DNAH10: variants seen among roughly 807,000 people sequenced by gnomAD.
The protein encoded by DNAH10 is dynein axonemal heavy chain 10.
Under a neutral mutation model 506.6 loss-of-function variants are expected in DNAH10, and 348 were observed. That is an observed-to-expected ratio of 0.69 (90% CI 0.63 to 0.75). The LOEUF (loss-of-function observed/expected upper bound fraction) is 0.75. Ranked by LOEUF, DNAH10 falls within the 30% of genes least tolerant of loss-of-function variation. The pLI, the probability that DNAH10 is intolerant of heterozygous loss-of-function variation, is 0.00. For synonymous variants in DNAH10, 2,059 were observed against 2,198.6 expected (o/e 0.94, Z 1.78); for missense variants, 5,179 against 5,787.1 (o/e 0.89, Z 3.41).
chr12:123,916,220 A>T lies in DNAH10; in HGVS notation c.10723-237A>T, dbSNP rs1272292813. 1.4e-4 allele frequency among the ~76,000 whole-genome samples: 22 copies of T among 152,146 alleles called. No homozygotes were observed. The highest frequency in any genetic ancestry group is 1.2e-4 in the Non-Finnish European group (8 of 68,024). On this transcript the variant is annotated intron_variant, in intron 62 of 78. Transcript: ENST00000673944. This position sits in a 1 kb window ranked among gnomAD's most constrained non-coding sequence, Gnocchi z 4.6. ...AAGAGGAGGGGTTCTAGCTTACGGG[A>T]GAGGGGCTGAGGAATCCCCTTCCTT...
intron 30 of DNAH10, among the ~76,000 whole-genome samples, chr12:123,842,116 C>A (rs1950796822): frequency 1.3e-5 from 2 of 152,232 alleles, no homozygotes; most frequent in African/African-American, 2.4e-5. Flanking sequence ...AATGCTGATT[C>A]TTGGGTCTTA....
chr12:123,846,155 G>A lies in DNAH10; in HGVS notation c.5814+1G>A. 6.2e-7 allele frequency: 1 copy of A among 1,610,224 alleles called. No individual in the cohort carries two copies. On this transcript the variant is annotated splice_donor_variant, in intron 32 of 78. Coordinates refer to ENST00000673944, the MANE Select transcript of DNAH10 (RefSeq NM_001372106.1). LOFTEE classifies it high-confidence loss of function. The surrounding 1 kb of genome is among the most constrained non-coding windows in gnomAD (Gnocchi z 4.5). The stretch of plus-strand genomic sequence containing the variant: ...TCGGATTTACCTGACGCTCACCCAG[G>A]TGACTGCCAGCCTGGCACTTGTGGT...
intron 67 of DNAH10, 35 bp downstream of exon 67, chr12:123,924,467 C>A: frequency 1.2e-6 from 2 of 1,601,796 alleles, no homozygotes; most frequent in Non-Finnish European, 1.7e-6. Flanking sequence ...CCTCTCCTTC[C>A]CCACATGTCA....
In DNAH10 at chr12:123,787,821, C is replaced by T. The variant is rs768063276; in HGVS notation, c.1439C>T (p.Ala480Val). Reference sequence around the variant, plus strand: ...CTTCGCAGAGAAAATCGAGCGAGTGCCCAAAGCAAAACCTTGGAAGCCAGG... The same window carrying T: ...CTTCGCAGAGAAAATCGAGCGAGTGTCCAAAGCAAAACCTTGGAAGCCAGG... Reference protein sequence around the residue: ...RTLFKENRASAQSKTLEARNT... With the variant: ...RTLFKENRASVQSKTLEARNT... The change falls in exon 10 of 79, where the codon GCC (alanine) becomes GTC (valine). Residue 480 changes from alanine (A) to valine (V), a missense_variant. Ala to Val is a moderately conservative substitution (Grantham distance 64). Transcript: ENST00000673944. This position sits in a 1 kb window ranked among gnomAD's most constrained non-coding sequence, Gnocchi z 4.6. 6.8e-6 allele frequency: 11 copies of T among 1,613,912 alleles called. No individual in the cohort carries two copies. The South Asian group carries it at 9.9e-5, about 15-fold the overall frequency.
chr12:123,850,030 C>T lies in DNAH10; in HGVS notation c.6103-858C>T. Among the ~76,000 whole-genome samples, 1 of 152,106 alleles carries T rather than the reference C, an allele frequency of 6.6e-6. No homozygotes were observed. Among genetic ancestry groups the T allele is most frequent in the East Asian group, 1.9e-4 (1 of 5,172 alleles). ...GCAGCTATCTGCTCTTCCCCCTGGG[C>T]CATCTGGGCCATCTGGGCCTCTTGT... On this transcript the variant is annotated intron_variant, in intron 34 of 78. Transcript: ENST00000673944. The surrounding 1 kb of genome is among the most constrained non-coding windows in gnomAD (Gnocchi z 5.5).
At chr12:123,783,834 A>G (rs1957752476) in intron 7 of DNAH10, 113 bp from the exon 8 acceptor site, 5 of 940,360 alleles carry the variant, frequency 5.3e-6, no homozygotes, top group East Asian at 2.6e-5. Flanking sequence ...ACCCCTGAAG[A>G]CCCTGAAGGA....
intron 57 of DNAH10, among the ~76,000 whole-genome samples, chr12:123,906,646 A>G (rs1288813116): frequency 1.3e-5 from 2 of 152,138 alleles, no homozygotes; most frequent in African/African-American, 2.4e-5. Flanking sequence ...TTATGTTTTA[A>G]TTTTTTATAT....
At chr12:123,847,156 A>G (rs1458884088) in intron 32 of DNAH10, among the ~76,000 whole-genome samples, 3 of 136,006 alleles carry the variant, frequency 2.2e-5, no homozygotes, top group African/African-American at 6.9e-5. Flanking sequence ...CCATCCATCC[A>G]TCCATCCATC....
Position 123,893,218 on chromosome 12 carries a change from G to T in DNAH10, c.8996-15G>T. ...TGGGACTCAGAGAGATCACCAGCAT[G>T]TCTTCCTTTTCCAGGAATTGTACCT... On this transcript the variant is annotated splice_polypyrimidine_tract_variant and intron_variant, in intron 52 of 78. Transcript: ENST00000673944. 1 of 1,613,006 alleles carries T rather than the reference G, an allele frequency of 6.2e-7. No homozygotes were observed. Among genetic ancestry groups the T allele is most frequent in the Non-Finnish European group, 8.5e-7 (1 of 1,179,232 alleles).
chr12:123,765,473 C>T (rs1956989535), intron 1 of DNAH10, among the ~76,000 whole-genome samples: 1 of 152,156 alleles, frequency 6.6e-6, no homozygotes, highest in African/African-American at 2.4e-5. Flanking sequence ...TTCTGGTTGG[C>T]TCTTTTGTCA....
At chr12:123,901,054 C>T (rs1482060633) in intron 56 of DNAH10, among the ~76,000 whole-genome samples, 1 of 152,230 alleles carries the variant, frequency 6.6e-6, no homozygotes, top group African/African-American at 2.4e-5. Flanking sequence ...ATCCTCTCTC[C>T]TGAGGGTGGC....
chr12:123,765,330 A>G (rs1956981689), intron 1 of DNAH10, among the ~76,000 whole-genome samples: 1 of 152,222 alleles, frequency 6.6e-6, no homozygotes, highest in Non-Finnish European at 1.5e-5. Flanking sequence ...AAATACTGCC[A>G]TAACACATGT....
chr12:123,878,523 G>A (rs1207570249), intron 48 of DNAH10, among the ~76,000 whole-genome samples: 1 of 152,210 alleles, frequency 6.6e-6, no homozygotes, highest in African/African-American at 2.4e-5. Flanking sequence ...AGCTCCAGGT[G>A]TTTCAGGTGG....
rs771302138 is a variant in DNAH10, at chr12:123,826,654, T to C, written c.4180-33T>C. 1.9e-5 allele frequency: 31 copies of C among 1,592,170 alleles called. No individual in the cohort carries two copies. In the South Asian group the frequency reaches 3.2e-4, roughly 17 times the overall value. On this transcript the variant is annotated intron_variant, in intron 24 of 78. Transcript: ENST00000673944. ...CCTTGTTGCATTTCCAAAGGGGTCT[T>C]TGTTGATGGAGCTGTTCCTTGCACG...
At chr12:123,861,859 A>G (rs1950454483) in intron 39 of DNAH10, among the ~76,000 whole-genome samples, 1 of 152,232 alleles carries the variant, frequency 6.6e-6, no homozygotes, top group Non-Finnish European at 1.5e-5. Context: ...ACAGCTTCTT[A>G]GCGCTTTTCC....
rs1360310768 is a variant in DNAH10 at position 123,850,199 on chromosome 12, TCTGC to T, written c.6103-685_6103-682del. On this transcript the variant is annotated intron_variant, in intron 34 of 78. Transcript: ENST00000673944. The surrounding 1 kb of genome is among the most constrained non-coding windows in gnomAD (Gnocchi z 5.5). ...TCCTAACAACAAAAATTTTCTGTCC[TCTGC>T]CTGGCTGGTGGACAATCAAAAAAAA... 6.6e-6 allele frequency among the ~76,000 whole-genome samples: 1 copy of T among 151,974 alleles called. No homozygotes were observed. Among genetic ancestry groups the T allele is most frequent in the East Asian group, 1.9e-4 (1 of 5,166 alleles).
At chr12:123,904,237 G>C (rs57078519) in intron 57 of DNAH10, among the ~76,000 whole-genome samples, 1 of 151,878 alleles carries the variant, frequency 6.6e-6, no homozygotes, top group Non-Finnish European at 1.5e-5. Context: ...GTGTCAAGGA[G>C]GGTATAAGGA....
rs1957826557 is a variant in DNAH10, at chr12:123,785,790, C to T, written c.1275C>T (p.Ile425=). 1 of 1,613,992 alleles carries T rather than the reference C, an allele frequency of 6.2e-7. No individual in the cohort carries two copies. Among genetic ancestry groups the T allele is most frequent in the Non-Finnish European group, 8.5e-7 (1 of 1,179,978 alleles). The part of the protein sequence containing the change: ...GSGFHVVLDT[I]PAMMSALRMV... ...GCTTCCACGTGGTCCTGGACACCAT[C>T]CCCGCCATGATGAGTGCCCTGCGGA... The change falls in exon 9 of 79, where the codon ATC becomes ATT. Residue 425 remains isoleucine (I), a synonymous_variant. Coordinates refer to ENST00000673944, the MANE Select transcript of DNAH10 (RefSeq NM_001372106.1). The surrounding 1 kb of genome is among the most constrained non-coding windows in gnomAD (Gnocchi z 4.1).
rs1248707815 is a variant in DNAH10, at chr12:123,801,489, T to C, written c.2614+57T>C. ...GACTTGGGATGCAAAGTAATTCTTTTAGGTTGTTTTATTTGAATTACCATT... is the reference window on the plus strand; with the variant it reads ...GACTTGGGATGCAAAGTAATTCTTTCAGGTTGTTTTATTTGAATTACCATT... On this transcript the variant is annotated intron_variant, in intron 16 of 78. Transcript: ENST00000673944. The C allele has an allele frequency of 1.0e-5, 16 of 1,567,542 alleles. No homozygotes were observed. The East Asian group carries it at 1.1e-4, about 11-fold the overall frequency.
Sources: allele counts gnomAD v4.1 joint callset (sites outside exome capture counted in the v4.1 genomes callset), GRCh38; gene constraint gnomAD v4.1.1; non-coding constraint Gnocchi (gnomAD v3.1); transcripts MANE v1.5; gene names NCBI Gene and HGNC (gene_info 2026-07-23, HGNC 2026-07-21).